The following RHOA variants were observed in gnomAD, a reference collection of about 807,000 sequenced individuals.
RHOA encodes the protein ras homolog family member A.
Under a neutral mutation model 17.5 loss-of-function variants are expected in RHOA, and 3 were observed. The observed-to-expected ratio is 0.17, with a 90% confidence interval of 0.08 to 0.44. The LOEUF (loss-of-function observed/expected upper bound fraction) is 0.44, where lower values mean the gene tolerates loss of function less well. RHOA is among the 20% of genes least tolerant of loss of function. RHOA has a pLI of 0.99. For missense variants in RHOA, 56 were observed against 242.3 expected (o/e 0.23, Z 5.10); for synonymous variants, 98 against 88.4 (o/e 1.11, Z -0.61).
chr3:49,398,963 AG>A, intron 1 of RHOA, among the ~76,000 whole-genome samples: 1 of 144,914 alleles, frequency 6.9e-6, no homozygotes, highest in African/African-American at 2.5e-5. Context: ...AGACTGAGAC[AG>A]GAGAATTGCT....
intron 1 of RHOA, among the ~76,000 whole-genome samples, chr3:49,401,393 C>T (rs1015996884): frequency 6.6e-6 from 1 of 151,956 alleles, no homozygotes; most frequent in South Asian, 2.1e-4. Flanking sequence ...TAGCTTATGC[C>T]TATAATCCCA....
chr3:49,392,560 G>A (rs2048528650), intron 1 of RHOA, among the ~76,000 whole-genome samples: 1 of 152,088 alleles, frequency 6.6e-6, no homozygotes, highest in Non-Finnish European at 1.5e-5. Flanking sequence ...TACCCAGACT[G>A]GTCTCAAACT....
intron 1 of RHOA, among the ~76,000 whole-genome samples, chr3:49,389,578 T>C (rs747068815): frequency 6.6e-6 from 1 of 152,162 alleles, no homozygotes; most frequent in Non-Finnish European, 1.5e-5. Context: ...TTCTTACTTC[T>C]TACAGCAGTG....
At chr3:49,363,843 G>A (rs2048011430) in intron 3 of RHOA, among the ~76,000 whole-genome samples, 1 of 151,760 alleles carries the variant, frequency 6.6e-6, no homozygotes, top group South Asian at 2.1e-4. Context: ...GCAACAGAGT[G>A]AGACTCTGTA....
At chr3:49,375,686 C>G (rs943172424) in intron 1 of RHOA, 95 bp from the exon 2 acceptor site, 3 of 1,319,320 alleles carry the variant, frequency 2.3e-6, no homozygotes, top group African/African-American at 2.9e-5. Context: ...GGGCATAAAC[C>G]TCTATTAGCA....
chr3:49,399,332 T>C (rs888159263), intron 1 of RHOA, among the ~76,000 whole-genome samples: 20 of 150,302 alleles, frequency 1.3e-4, no homozygotes, highest in African/African-American at 4.2e-4. Flanking sequence ...ATCGCACCAC[T>C]GCACTGCAGC....
chr3:49,395,559 A>C (rs1399111231), intron 1 of RHOA, among the ~76,000 whole-genome samples: 1 of 151,908 alleles, frequency 6.6e-6, no homozygotes, highest in Non-Finnish European at 1.5e-5. Flanking sequence ...CTAAAAATAC[A>C]AAAATTAGCC....
chr3:49,362,024 A>T (rs1242461390), intron 4 of RHOA, among the ~76,000 whole-genome samples: 3 of 142,648 alleles, frequency 2.1e-5, no homozygotes, highest in South Asian at 2.2e-4. Flanking sequence ...CCCATCTATT[A>T]AAAAAAAAAA....
chr3:49,382,242 C>A (rs1427209086), intron 1 of RHOA, among the ~76,000 whole-genome samples: 1 of 151,014 alleles, frequency 6.6e-6, no homozygotes, highest in East Asian at 2.0e-4. Context: ...TGGGGTGAAC[C>A]CAGGAGGTGG....
chr3:49,405,151 A>G (rs965286832), intron 1 of RHOA, among the ~76,000 whole-genome samples: 1 of 144,348 alleles, frequency 6.9e-6, no homozygotes, highest in Non-Finnish European at 1.5e-5. Context: ...TCAGCTACTC[A>G]GGAGGCTGAG....
chr3:49,361,319 CA>C (rs1553631004), intron 4 of RHOA, among the ~76,000 whole-genome samples: 1 of 152,114 alleles, frequency 6.6e-6, no homozygotes, highest in Non-Finnish European at 1.5e-5. Flanking sequence ...GACATTCAGA[CA>C]GAGAAACCTG....
chr3:49,368,338 A>T, intron 3 of RHOA, 90 bp downstream of exon 3: 1 of 1,484,424 alleles, frequency 6.7e-7, no homozygotes, highest in Non-Finnish European at 9.3e-7. Flanking sequence ...TCTGAAGTTC[A>T]TGTCTGCTTT....
intron 1 of RHOA, among the ~76,000 whole-genome samples, chr3:49,395,613 T>A (rs183074298): frequency 3.1e-4 from 47 of 151,906 alleles, no homozygotes; most frequent in Admixed American, 1.6e-3. Context: ...CTCGGGAGGC[T>A]GAGGTAGGAG....
chr3:49,408,262 GTA>G (rs2048872242), intron 1 of RHOA, among the ~76,000 whole-genome samples: 1 of 80,682 alleles, frequency 1.2e-5, no homozygotes, highest in East Asian at 8.3e-3. Context: ...ATATATATAC[GTA>G]TACACGTATA....
chr3:49,372,765 TATG>T (rs1165622797), intron 2 of RHOA, among the ~76,000 whole-genome samples: 2 of 144,720 alleles, frequency 1.4e-5, no homozygotes, highest in African/African-American at 2.6e-5. Context: ...GACTACAAAC[TATG>T]AAAGAGGGTT....
chr3:49,362,701 T>C (rs551551295), intron 3 of RHOA, 75 bp from the exon 4 acceptor site: 230 of 1,247,530 alleles, frequency 1.8e-4, no homozygotes, highest in East Asian at 9.3e-4. Context: ...CTCAGTGAAA[T>C]TGCAGAGACA....
chr3:49,409,077 C>T (rs1401272251), intron 1 of RHOA, among the ~76,000 whole-genome samples: 1 of 151,484 alleles, frequency 6.6e-6, no homozygotes, highest in Admixed American at 6.6e-5. Context: ...CATGAACCAC[C>T]GCGCCCTGCC....
At position 49,393,773 on chromosome 3, in the gene RHOA, A is replaced by C. The variant is rs1193556066; in HGVS notation, c.-3+18047T>G. Among the ~76,000 whole-genome samples, 97 of 148,262 alleles carry C rather than the reference A, an allele frequency of 6.5e-4. 1 individual carries two copies. Among genetic ancestry groups the C allele is most frequent in the African/African-American group, 2.3e-3 (94 of 40,022 alleles). On this transcript the variant is annotated intron_variant, in intron 1 of 4. Coordinates refer to ENST00000418115, the MANE Select transcript of RHOA (RefSeq NM_001664.4). ...CGCCCAGGCTGGAGTGCAGTGGTGCAATCTCGGCTCACTGCAACCTCCGCC... is the reference window on the plus strand; with the variant it reads ...CGCCCAGGCTGGAGTGCAGTGGTGCCATCTCGGCTCACTGCAACCTCCGCC...
At chr3:49,363,829 C>T (rs34725101) in intron 3 of RHOA, among the ~76,000 whole-genome samples, 1 of 152,142 alleles carries the variant, frequency 6.6e-6, no homozygotes, top group Middle Eastern at 3.4e-3. Flanking sequence ...TCACTCCAGC[C>T]TGGGCAACAG....
Sources: allele counts gnomAD v4.1 joint callset (sites outside exome capture counted in the v4.1 genomes callset), GRCh38; gene constraint gnomAD v4.1.1; transcripts MANE v1.5; gene names NCBI Gene and HGNC (gene_info 2026-07-23, HGNC 2026-07-21).